The following CR1 variants were observed in gnomAD, a reference collection of about 807,000 sequenced individuals.
CR1 encodes complement receptor type 1.
Under a neutral mutation model 187.3 loss-of-function variants are expected in CR1, and 116 were observed. That is an observed-to-expected ratio of 0.62 (90% confidence interval 0.53 to 0.72). The LOEUF (loss-of-function observed/expected upper bound fraction) is 0.72, where lower values mean the gene tolerates loss of function less well. Ranked by LOEUF, CR1 falls within the 30% of genes least tolerant of loss-of-function variation. The pLI is 0.00. For synonymous variants in CR1, 576 were observed against 747.1 expected (o/e 0.77, Z 3.73); for missense variants, 1,731 against 2,110.7 (o/e 0.82, Z 3.52).
intron 35 of CR1, among the ~76,000 whole-genome samples, chr1:207,605,679 G>A (rs1280725469): frequency 1.3e-5 from 2 of 152,156 alleles, no homozygotes; most frequent in East Asian, 3.9e-4. Context: ...TTAAATGTAT[G>A]ATAGGAGACA....
chr1:207,591,088 C>T (rs1470916428), intron 35 of CR1, among the ~76,000 whole-genome samples: 1 of 152,160 alleles, frequency 6.6e-6, no homozygotes, highest in Admixed American at 6.5e-5. Context: ...GAACTCAGCT[C>T]TGGACCAAGC....
intron 37 of CR1, among the ~76,000 whole-genome samples, chr1:207,610,405 T>C (rs947802784): frequency 2.0e-5 from 3 of 152,122 alleles, no homozygotes; most frequent in African/African-American, 7.2e-5. Context: ...CAATCATAGT[T>C]CACTGAAGCC....
At position 207,566,151 on chromosome 1, in the gene CR1, CCTTT is replaced by C. The variant is rs377305666; in HGVS notation, c.3952+229_3952+232del. 2.8e-3 allele frequency among the ~76,000 whole-genome samples: 415 copies of C among 150,380 alleles called. 46 individuals carry two copies. The highest frequency in any genetic ancestry group is 1.0e-2 in the African/African-American group (398 of 39,864). ...CATTCTCTGTTCTAGTGCGATAAAT[CCTTT>C]GGTCTTGTGCTCCTAGGTCAGGAGA... is the stretch of plus-strand genomic sequence containing the variant. On this transcript the variant is annotated intron_variant, in intron 24 of 46. Coordinates refer to ENST00000367049, the MANE Select transcript of CR1 (RefSeq NM_000651.6).
intron 4 of CR1, among the ~76,000 whole-genome samples, chr1:207,518,350 T>C (rs1174238974): frequency 6.6e-6 from 1 of 152,238 alleles, no homozygotes. Flanking sequence ...CACTTGAATG[T>C]ACAGTTATTT....
At position 207,580,744 on chromosome 1, in the gene CR1, C is replaced by T. The variant is rs1660911375; in HGVS notation, c.5216+131C>T. Reference sequence around the variant, plus strand: ...GGGAGATTAACCTCTGGAAGTGTAGCTTTAAAATAAAGGTAGGGACTAAGT... The same window carrying T: ...GGGAGATTAACCTCTGGAAGTGTAGTTTTAAAATAAAGGTAGGGACTAAGT... On this transcript the variant is annotated intron_variant, in intron 31 of 46. Transcript: ENST00000367049. The T allele has an allele frequency of 4.7e-6, 4 of 850,668 alleles. No homozygotes were observed. In the South Asian group the frequency reaches 5.5e-5, roughly 12 times the overall value. The allele number at this position is 850,668 out of a possible 1,614,324, so 52.7% of individuals were successfully genotyped here. A position where few individuals can be genotyped will look rare whatever the true frequency, so the allele number is the denominator to read the frequency against.
chr1:207,598,834 A>G (rs1237082414), intron 35 of CR1: 1 of 152,238 alleles, frequency 6.6e-6, no homozygotes, highest in Non-Finnish European at 1.5e-5. Context: ...TCTGTAACAC[A>G]TGTACTCTTA....
At chr1:207,512,071 A>G (rs1659641504) in intron 4 of CR1, among the ~76,000 whole-genome samples, 1 of 152,216 alleles carries the variant, frequency 6.6e-6, no homozygotes, top group African/African-American at 2.4e-5. Flanking sequence ...GAAAGGCCCC[A>G]TGCACTATAA....
intron 43 of CR1, 97 bp downstream of exon 43, chr1:207,620,162 C>T (rs548208532): frequency 2.4e-6 from 3 of 1,239,874 alleles, no homozygotes. Context: ...ATGTTTATGG[C>T]ATATGCTATG....
chr1:207,614,546 T>C, intron 40 of CR1, 57 bp downstream of exon 40: 1 of 1,416,138 alleles, frequency 7.1e-7, no homozygotes, highest in Non-Finnish European at 9.9e-7. Flanking sequence ...TTTTCCAGCA[T>C]GTTTTTCCGC....
Position 207,496,356 on chromosome 1 carries a change from T to C in CR1, c.89T>C (p.Val30Ala), listed in dbSNP as rs777578334. The C allele has an allele frequency of 6.8e-6, 11 of 1,611,942 alleles. No homozygotes were observed. In the South Asian group the frequency reaches 1.1e-4, roughly 16 times the overall value. Residue 30 changes from valine to alanine, a missense_variant, in exon 1 of 47, where the codon GTT (valine) becomes GCT (alanine). Physicochemically the swap from Val to Ala is moderately conservative, Grantham distance 64 (BLOSUM62 0). Around this residue, in one of 5 missense-constraint regions of CR1, gnomAD observed 237 missense variants for 240.4 expected, o/e 0.99. Coordinates refer to ENST00000367049, the MANE Select transcript of CR1 (RefSeq NM_000651.6). ...PFCCGGSLLAVVVLLALPVAW... is the reference protein window; with the variant it reads ...PFCCGGSLLAAVVLLALPVAW... ...TGCTGCGGAGGATCCCTGCTGGCGG[T>C]TGTGGTGCTGCTTGCGCTGCCGGTG...
intron 46 of CR1, among the ~76,000 whole-genome samples, chr1:207,631,472 C>T (rs1174073278): frequency 3.3e-5 from 5 of 152,110 alleles, no homozygotes; most frequent in Non-Finnish European, 7.3e-5. Flanking sequence ...ACTATCTGGC[C>T]CTTTAGTGGA....
intron 31 of CR1, among the ~76,000 whole-genome samples, chr1:207,581,075 G>A (rs765355258): frequency 1.6e-4 from 24 of 148,908 alleles, no homozygotes; most frequent in Admixed American, 1.3e-4. Flanking sequence ...AACAATGGCC[G>A]AAATACAAAA....
chr1:207,511,642 C>A lies in CR1; in HGVS notation c.475C>A (p.Pro159Thr), dbSNP rs1251927369. 3 of 1,612,510 alleles carry A rather than the reference C, an allele frequency of 1.9e-6. No individual in the cohort carries two copies. Among genetic ancestry groups the A allele is most frequent in the African/African-American group, 1.3e-5 (1 of 74,872 alleles). Residue 159 changes from proline (P) to threonine (T), a missense_variant, in exon 4 of 47, where the codon CCT (proline) becomes ACT (threonine). Coordinates refer to ENST00000367049, the MANE Select transcript of CR1 (RefSeq NM_000651.6). ...TACTGTCATTTGGGATAATGAAACACCTATTTGTGACAGTGAGTTGAAATA... is the reference window on the plus strand; with the variant it reads ...TACTGTCATTTGGGATAATGAAACAACTATTTGTGACAGTGAGTTGAAATA... ...GDTVIWDNET[P>T]ICDRIPCGLP... is the part of the protein sequence containing the mutation.
In CR1 at chr1:207,496,312, G is replaced by T; in HGVS notation, c.45G>T (p.Pro15=). The change falls in exon 1 of 47, where the codon CCG becomes CCT. Residue 15 remains proline (P), a synonymous_variant. Transcript: ENST00000367049. ...GAAGCCCGGAGCCTGTCGGGCCGCC[G>T]GCGCCCGGTCTCCCCTTCTGCTGCG... ...SPRSPEPVGP[P]APGLPFCCGG... The T allele has an allele frequency of 1.2e-6, 2 of 1,613,648 alleles. No individual in the cohort carries two copies. The highest frequency in any genetic ancestry group is 1.3e-5 in the African/African-American group (1 of 75,040).
intron 28 of CR1, 68 bp from the exon 29 acceptor site, chr1:207,577,737 C>T: frequency 2.5e-6 from 4 of 1,592,584 alleles, no homozygotes; most frequent in Admixed American, 3.6e-5. Context: ...CCACTGCACT[C>T]CAGCCTGGGT....
At chr1:207,614,586 T>G (rs954858483) in intron 40 of CR1, 97 bp downstream of exon 40, 2 of 871,332 alleles carry the variant, frequency 2.3e-6, no homozygotes, top group African/African-American at 3.4e-5. Context: ...AGATCTTTAC[T>G]TAACTAAATT....
chr1:207,505,810 T>C (rs1659409487), intron 1 of CR1, 94 bp from the exon 2 acceptor site: 4 of 1,404,884 alleles, frequency 2.8e-6, no homozygotes, highest in Admixed American at 4.3e-5. Flanking sequence ...CACTCCAGCC[T>C]GGGTGATGGA....
chr1:207,574,667 A>C (rs1451364093), intron 27 of CR1, among the ~76,000 whole-genome samples: 3 of 152,246 alleles, frequency 2.0e-5, no homozygotes, highest in Non-Finnish European at 4.4e-5. Context: ...AATGTGAGAC[A>C]GCAAGAAAAG....
In CR1 at chr1:207,581,116, G is replaced by GTATACATACGTATACATATGGACACGTA. The variant is rs1428101845; in HGVS notation, c.5216+507_5216+534dup. Among the ~76,000 whole-genome samples the GTATACATACGTATACATATGGACACGTA allele has an allele frequency of 4.1e-3, 613 of 150,114 alleles. 2 individuals carry two copies. The highest frequency in any genetic ancestry group is 0.015 in the African/African-American group (584 of 39,762). On this transcript the variant is annotated intron_variant, in intron 31 of 46. Coordinates refer to ENST00000367049, the MANE Select transcript of CR1 (RefSeq NM_000651.6). ...TGAAAAAAAAAGTGTGTATATATAT[G>GTATACATACGTATACATATGGACACGTA]TATACATACGTATACATATGGACAC...
Sources: allele counts gnomAD v4.1 joint callset (sites outside exome capture counted in the v4.1 genomes callset), GRCh38; gene constraint gnomAD v4.1.1; regional missense constraint gnomAD v4.1.1; transcripts MANE v1.5; gene names NCBI Gene and HGNC (gene_info 2026-07-23, HGNC 2026-07-21).